The following UBXN6 variants were observed in gnomAD, a reference collection of about 807,000 sequenced individuals.
UBXN6 encodes the protein UBX domain-containing protein 6.
Under a neutral mutation model 51.4 loss-of-function variants are expected in UBXN6, and 44 were observed. That is an observed-to-expected ratio of 0.86 (90% CI 0.67 to 1.10). UBXN6 has a LOEUF of 1.10. Among genes scored for constraint, UBXN6 ranks in the 50% least tolerant of loss-of-function variants. UBXN6 has a pLI of 0.00. For missense variants in UBXN6, 672 were observed against 596.1 expected, an observed-to-expected ratio of 1.13 and a Z score of -1.32; for synonymous variants, 316 against 263.2, an observed-to-expected ratio of 1.20 and a Z score of -1.94.
chr19:4,457,861 T>C (rs890125963), upstream of UBXN6: 5 of 451,928 alleles, frequency 1.1e-5, no homozygotes, highest in African/African-American at 2.2e-5. Context: ...TCCCCTGGCC[T>C]GCCACGTGAC....
At chr19:4,447,054 G>T (rs1303639122) in intron 6 of UBXN6, 134 bp from the exon 7 acceptor site, 4 of 808,860 alleles carry the variant, frequency 4.9e-6, no homozygotes, top group Non-Finnish European at 6.0e-6. Context: ...AGCCCTGGGG[G>T]TGCCTCAGTG....
rs202169732 is a variant in UBXN6 at position 4,446,660 on chromosome 19, C to T, written c.760G>A (p.Glu254Lys). The T allele has an allele frequency of 2.5e-6, 4 of 1,612,180 alleles. No homozygotes were observed. The highest frequency in any genetic ancestry group is 2.7e-5 in the African/African-American group (2 of 74,926). ...GCCAGCAGCTGTTCCTTGTGCCTCT[C>T]CAGGCTCTGGGGCTGGGCCAAGGTG... Reference protein sequence around the residue: ...ETTLAQPQSLERHKEQLLAAE... With the variant: ...ETTLAQPQSLKRHKEQLLAAE... The change falls in exon 8 of 11, where the codon GAG becomes AAG. Residue 254 changes from glutamate (E) to lysine (K), a missense_variant. Transcript: ENST00000301281.
chr19:4,445,628 G>T lies in UBXN6; in HGVS notation c.1201-5C>A. ...GGTCAGGAGGGCAGAGGGCACCTGC[G>T]GTAGGGGTAGGCCGTCACTCTGAGA... On this transcript the variant is annotated splice_region_variant and splice_polypyrimidine_tract_variant and intron_variant, in intron 10 of 10. Transcript: ENST00000301281. 2 of 1,612,142 alleles carry T rather than the reference G, an allele frequency of 1.2e-6. No individual in the cohort carries two copies. The highest frequency in any genetic ancestry group is 8.5e-7 in the Non-Finnish European group (1 of 1,179,758).
At chr19:4,447,893 G>A in intron 5 of UBXN6, 5 of 526,692 alleles carry the variant, frequency 9.5e-6, no homozygotes, top group Non-Finnish European at 1.7e-5. Context: ...AACCACAGCG[G>A]TGGGGAAGCC....
rs373282942 is a variant in UBXN6 at position 4,457,643 on chromosome 19, G to C, written c.55C>G (p.Pro19Ala). 6.2e-6 allele frequency: 10 copies of C among 1,601,926 alleles called. No individual in the cohort carries two copies. In the African/African-American group the frequency reaches 1.4e-4, roughly 22 times the overall value. The change falls in exon 1 of 11, where the codon CCC becomes GCC. Residue 19 changes from proline to alanine, a missense_variant. Physicochemically the swap from Pro to Ala is conservative, Grantham distance 27. Transcript: ENST00000301281. Reference protein sequence around the residue: ...KADIKFKSAGPGQKLKESVGE... With the variant: ...KADIKFKSAGAGQKLKESVGE... ...ACGGACTCTTTGAGCTTCTGACCGGGTCCCGCGCTCTTGAACTTGATGTCG... is the reference window on the plus strand; with the variant it reads ...ACGGACTCTTTGAGCTTCTGACCGGCTCCCGCGCTCTTGAACTTGATGTCG...
chr19:4,445,609 G>C lies in UBXN6; in HGVS notation c.1215C>G (p.Leu405=). ...CAGCCATGTCCCACGAGAAGGTCAG[G>C]AGGGCAGAGGGCACCTGCGGTAGGG... is the stretch of plus-strand genomic sequence containing the variant. ...LNECGLVPSA[L]LTFSWDMAVL... The change falls in exon 11 of 11, where the codon CTC becomes CTG. Residue 405 remains leucine, a synonymous_variant. Transcript: ENST00000301281. 6.2e-7 allele frequency: 1 copy of C among 1,613,278 alleles called. No homozygotes were observed.
chr19:4,455,362 T>C, intron 1 of UBXN6: 1 of 917,988 alleles, frequency 1.1e-6, no homozygotes, highest in Non-Finnish European at 1.3e-6. Context: ...TATCTAGTCC[T>C]CCCACAGCTG....
At chr19:4,457,564 C>T in intron 1 of UBXN6, 51 bp downstream of exon 1, 1 of 1,534,196 alleles carries the variant, frequency 6.5e-7, no homozygotes, top group Non-Finnish European at 8.8e-7. Context: ...GATCTCTCTC[C>T]CCGGCCGTCC....
intron 5 of UBXN6, 41 bp from the exon 6 acceptor site, chr19:4,447,666 T>C (rs762539164): frequency 5.6e-6 from 9 of 1,606,022 alleles, no homozygotes; most frequent in Non-Finnish European, 6.8e-6. Context: ...CAGCCCAGGC[T>C]GCCCACCCGG....
chr19:4,454,106 C>T lies in UBXN6; in HGVS notation c.84-13G>A, dbSNP rs759512258. The T allele has an allele frequency of 1.4e-5, 22 of 1,521,118 alleles. No individual in the cohort carries two copies. The highest frequency in any genetic ancestry group is 5.6e-5 in the African/African-American group (4 of 71,664). 94.2% of individuals were successfully genotyped at this position (1,521,118 alleles called of 1,614,324 possible). A position where few individuals can be genotyped will look rare whatever the true frequency, so the allele number is the denominator to read the frequency against. ...GTGGGCCTTTTCCCTGGGAACAGAC[C>T]GAGGGAGAGTGAGTGTATCCTCCCG... On this transcript the variant is annotated splice_polypyrimidine_tract_variant and intron_variant, in intron 1 of 10. Transcript: ENST00000301281.
rs60079641 is a variant in UBXN6, at chr19:4,457,193, C to G, written c.83+422G>C. On this transcript the variant is annotated intron_variant, in intron 1 of 10. Coordinates refer to ENST00000301281, the MANE Select transcript of UBXN6 (RefSeq NM_025241.3). ...GTCCCCAGACAGAGCTCTCCCTCAC[C>G]ACCCGGCTCAGGACTCATGATCCCG... Among the ~76,000 whole-genome samples, 1,265 of 152,238 alleles carry G rather than the reference C, an allele frequency of 8.3e-3. 23 individuals are homozygous for G. Among genetic ancestry groups the G allele is most frequent in the African/African-American group, 0.03 (1,230 of 41,528 alleles).
At chr19:4,456,979 G>C (rs1483653638) in intron 1 of UBXN6, among the ~76,000 whole-genome samples, 1 of 151,942 alleles carries the variant, frequency 6.6e-6, no homozygotes, top group Non-Finnish European at 1.5e-5. Context: ...TGGCCTTCCA[G>C]ACTCTTTCTA....
rs75122921 is a variant in UBXN6 at position 4,446,164 on chromosome 19, A to G, written c.1085T>C (p.Val362Ala). ...TFYARERLGA[V>A]YGFVREALQS... Reference sequence around the variant, plus strand: ...CAGGGCCTCCCGGACGAACCCGTACACCGCCCCCAGCCGCTCCCGAGCGTA... The same window carrying G: ...CAGGGCCTCCCGGACGAACCCGTACGCCGCCCCCAGCCGCTCCCGAGCGTA... The change falls in exon 10 of 11, where the codon GTG becomes GCG. Residue 362 changes from valine (V) to alanine (A), a missense_variant. Transcript: ENST00000301281. 4 of 1,608,110 alleles carry G rather than the reference A, an allele frequency of 2.5e-6. No homozygotes were observed. Among genetic ancestry groups the G allele is most frequent in the Admixed American group, 3.3e-5 (2 of 59,742 alleles).
At chr19:4,445,985 T>G in intron 10 of UBXN6, 64 bp downstream of exon 10, 1 of 1,537,472 alleles carries the variant, frequency 6.5e-7, no homozygotes, top group Non-Finnish European at 8.8e-7. Context: ...GGGGTGTCTG[T>G]GCCGGTCCCA....
Position 4,445,570 on chromosome 19 carries a change from G to T in UBXN6, c.1254C>A (p.Ile418=), listed in dbSNP as rs897492189. The T allele has an allele frequency of 6.2e-7, 1 of 1,613,836 alleles. No homozygotes were observed. Among genetic ancestry groups the T allele is most frequent in the Non-Finnish European group, 8.5e-7 (1 of 1,180,008 alleles). ...AGTCCGGCTCGGCCCCCGCGGCCTT[G>T]ATGTCCTCCAGCACAGCCATGTCCC... ...FSWDMAVLED[I]KAAGAEPDSI... The change falls in exon 11 of 11, where the codon ATC becomes ATA. Residue 418 remains isoleucine (I), a synonymous_variant. Transcript: ENST00000301281.
Position 4,445,598 on chromosome 19 carries a change from GAGA to G in UBXN6, c.1223_1225del (p.Phe408del). 1 of 1,613,630 alleles carries G rather than the reference GAGA, an allele frequency of 6.2e-7. No homozygotes were observed. Among genetic ancestry groups the G allele is most frequent in the Non-Finnish European group, 8.5e-7 (1 of 1,179,972 alleles). On this transcript the variant is annotated inframe_deletion, in exon 11 of 11. Coordinates refer to ENST00000301281, the MANE Select transcript of UBXN6 (RefSeq NM_025241.3). ...GTCCTCCAGCACAGCCATGTCCCAC[GAGA>G]AGGTCAGGAGGGCAGAGGGCACCTG...
intron 1 of UBXN6, 80 bp downstream of exon 1, chr19:4,457,535 C>G: frequency 2.9e-6 from 4 of 1,365,982 alleles, no homozygotes; most frequent in Middle Eastern, 2.0e-4. Flanking sequence ...TCCGATCTCC[C>G]GAGCCGCCCA....
In UBXN6 at chr19:4,453,538, A is replaced by C; in HGVS notation, c.248-16T>G. ...TCCTTTCTCACTGGAAGGCAGCCCA[A>C]GAAAGAGAGGCAGAGACGGGATAGT... On this transcript the variant is annotated splice_polypyrimidine_tract_variant and intron_variant, in intron 2 of 10. Coordinates refer to ENST00000301281, the MANE Select transcript of UBXN6 (RefSeq NM_025241.3). The C allele has an allele frequency of 6.2e-7, 1 of 1,612,930 alleles. No homozygotes were observed. The highest frequency in any genetic ancestry group is 8.5e-7 in the Non-Finnish European group (1 of 1,179,666).
chr19:4,455,672 T>A (rs541730523), intron 1 of UBXN6, among the ~76,000 whole-genome samples: 16 of 152,178 alleles, frequency 1.1e-4, no homozygotes, highest in Middle Eastern at 3.4e-3. Flanking sequence ...CCGCAGTTCT[T>A]CCCACACCCC....
Sources: gnomAD v4.1 joint callset for allele counts (sites outside exome capture counted in the v4.1 genomes callset) on GRCh38, gnomAD v4.1.1 for gene constraint, MANE v1.5 for transcripts, NCBI Gene and HGNC (gene_info 2026-07-23, HGNC 2026-07-21) for gene names.